MDH1B: variants seen among roughly 807,000 people sequenced by gnomAD.
MDH1B encodes putative malate dehydrogenase 1B.
In MDH1B, 60 loss-of-function variants were observed where a neutral mutation model predicts 61.4. That is an observed-to-expected ratio of 0.98 (90% CI 0.79 to 1.21). The LOEUF (loss-of-function observed/expected upper bound fraction) is 1.21, where lower values mean the gene tolerates loss of function less well. Among genes scored for constraint, MDH1B ranks in the 50% most tolerant of loss-of-function variants. The pLI is 0.00. For synonymous variants in MDH1B, 236 were observed against 218.7 expected, an observed-to-expected ratio of 1.08 and a Z score of -0.70; for missense variants, 587 against 632.1, an observed-to-expected ratio of 0.93 and a Z score of 0.76.
At chr2:206,743,913 T>C (rs1489845556) in intron 9 of MDH1B, among the ~76,000 whole-genome samples, 2 of 152,230 alleles carry the variant, frequency 1.3e-5, no homozygotes, top group African/African-American at 4.8e-5. Flanking sequence ...AAATTTCTAC[T>C]GCCTCTGGTC....
intron 6 of MDH1B, among the ~76,000 whole-genome samples, chr2:206,750,160 T>C (rs1385421897): frequency 6.6e-6 from 1 of 151,872 alleles, no homozygotes; most frequent in Non-Finnish European, 1.5e-5. Context: ...ATCCTACAAC[T>C]GGGAAAGTGC....
chr2:206,756,344 G>A (rs924008985), intron 4 of MDH1B, among the ~76,000 whole-genome samples: 14 of 152,186 alleles, frequency 9.2e-5, no homozygotes, highest in African/African-American at 2.9e-4. Flanking sequence ...CAGGAAAAGT[G>A]CAAAAGACAA....
intron 1 of MDH1B, 86 bp downstream of exon 1, chr2:206,765,164 T>C (rs1343081995): frequency 2.0e-6 from 3 of 1,528,756 alleles, no homozygotes; most frequent in East Asian, 4.8e-5. Flanking sequence ...GCGGTCCGTA[T>C]AGAGGCTGCC....
At chr2:206,738,580 G>T in intron 11 of MDH1B, 69 bp from the exon 12 acceptor site, 1 of 1,183,496 alleles carries the variant, frequency 8.4e-7, no homozygotes, top group Non-Finnish European at 1.2e-6. Context: ...GTTATTATTA[G>T]CTTTTTTGTT....
At chr2:206,754,924 C>T (rs1336842021) in intron 5 of MDH1B, 85 bp downstream of exon 5, 6 of 1,421,754 alleles carry the variant, frequency 4.2e-6, no homozygotes, top group South Asian at 2.7e-5. Context: ...CAGAATGTTC[C>T]TAGAGGGGAC....
At chr2:206,741,947 A>C (rs1687836117) in intron 9 of MDH1B, among the ~76,000 whole-genome samples, 3 of 152,196 alleles carry the variant, frequency 2.0e-5, no homozygotes, top group African/African-American at 7.2e-5. Context: ...AGTTATGCAA[A>C]ATAAATGAAT....
intron 2 of MDH1B, among the ~76,000 whole-genome samples, chr2:206,758,928 CCAGTGTGG>C (rs1169802118): frequency 6.6e-6 from 1 of 151,062 alleles, no homozygotes; most frequent in East Asian, 1.9e-4. Flanking sequence ...ACTGAGGAGC[CCAGTGTGG>C]CTGTCCGTTC....
chr2:206,750,376 T>A (rs1688360820), intron 6 of MDH1B, among the ~76,000 whole-genome samples: 2 of 142,904 alleles, frequency 1.4e-5, no homozygotes, highest in South Asian at 4.6e-4. Flanking sequence ...ACAGAGAGGC[T>A]GCTTAGCCTC....
At chr2:206,761,156 C>T in intron 1 of MDH1B, 143 bp from the exon 2 acceptor site, 1 of 479,440 alleles carries the variant, frequency 2.1e-6, no homozygotes, top group Non-Finnish European at 3.7e-6. Context: ...ACTGCTATTA[C>T]ATAAACTTCT....
rs13427620 is a variant in MDH1B at position 206,749,256 on chromosome 2, G to C, written c.1053-73C>G. On this transcript the variant is annotated intron_variant, in intron 6 of 11. Transcript: ENST00000374412. ...GAGAAAAAGGATGTTCCCTGGCTCA[G>C]TGGAACTAAGTATCAGAAACCTAAT... The C allele has an allele frequency of 1.5e-5, 20 of 1,335,380 alleles. No individual in the cohort carries two copies. In the African/African-American group the frequency reaches 2.1e-4, roughly 14 times the overall value. 82.7% of individuals were successfully genotyped at this position (1,335,380 alleles called of 1,614,324 possible).
chr2:206,760,311 C>T (rs1689014827), intron 2 of MDH1B, among the ~76,000 whole-genome samples: 2 of 152,194 alleles, frequency 1.3e-5, no homozygotes, highest in South Asian at 2.1e-4. Flanking sequence ...AGCTGATATC[C>T]GATGGCTGGT....
chr2:206,744,789 G>A (rs1431626187), intron 9 of MDH1B, among the ~76,000 whole-genome samples: 1 of 151,980 alleles, frequency 6.6e-6, no homozygotes, highest in African/African-American at 2.4e-5. Flanking sequence ...GCCAGGCATG[G>A]TGGTGTGCAC....
At chr2:206,765,183 C>T (rs1689369066) in intron 1 of MDH1B, 67 bp downstream of exon 1, 4 of 1,566,684 alleles carry the variant, frequency 2.6e-6, no homozygotes, top group African/African-American at 1.4e-5. Context: ...CCAAGCCGAG[C>T]GGCCATGGGA....
intron 5 of MDH1B, among the ~76,000 whole-genome samples, chr2:206,754,523 T>C (rs559571976): frequency 6.6e-6 from 1 of 152,312 alleles, no homozygotes; most frequent in East Asian, 1.9e-4. Flanking sequence ...CTTAGCACTT[T>C]AGGAATACAT....
rs1688282860 is a variant in MDH1B at position 206,749,031 on chromosome 2, A to G, written c.1205T>C (p.Ile402Thr). Residue 402 changes from isoleucine (I) to threonine (T), a missense_variant, in exon 7 of 12, where the codon ATA (isoleucine) becomes ACA (threonine). By Grantham distance (89) the Ile-to-Thr change is moderately conservative (BLOSUM62 -1). Coordinates refer to ENST00000374412, the MANE Select transcript of MDH1B (RefSeq NM_001039845.3). ...SPPGEIVSLG[I>T]LSEGQFGIPK... Reference sequence around the variant, plus strand: ...AAACCCAGATTTACCTTCACTCAATATTCCTAAAGATACAATCTCCCCAGG... The same window carrying G: ...AAACCCAGATTTACCTTCACTCAATGTTCCTAAAGATACAATCTCCCCAGG... The G allele has an allele frequency of 6.2e-7, 1 of 1,613,120 alleles. No individual in the cohort carries two copies. Among genetic ancestry groups the G allele is most frequent in the South Asian group, 1.1e-5 (1 of 90,736 alleles).
intron 7 of MDH1B, 151 bp from the exon 8 acceptor site, chr2:206,746,577 A>T: frequency 1.2e-6 from 1 of 834,162 alleles, no homozygotes; most frequent in African/African-American, 1.7e-5. Context: ...TCCAAAGAGG[A>T]CTGAAACACT....
intron 2 of MDH1B, among the ~76,000 whole-genome samples, chr2:206,759,100 C>A (rs1003379313): frequency 6.6e-6 from 1 of 151,810 alleles, no homozygotes; most frequent in Non-Finnish European, 1.5e-5. Flanking sequence ...GCCTAGTGCC[C>A]GTTAGTTATT....
intron 1 of MDH1B, 152 bp downstream of exon 1, chr2:206,765,098 G>GCAA: frequency 1.3e-5 from 12 of 908,324 alleles, no homozygotes; most frequent in African/African-American, 4.7e-5. Context: ...CACAATGCTT[G>GCAA]GCGCACCGTC....
intron 9 of MDH1B, 60 bp downstream of exon 9, chr2:206,745,562 A>G: frequency 8.0e-7 from 1 of 1,256,844 alleles, no homozygotes; most frequent in Non-Finnish European, 1.1e-6. Flanking sequence ...TTCAGTTATA[A>G]CAAATATTTT....
Sources: allele counts gnomAD v4.1 joint callset (sites outside exome capture counted in the v4.1 genomes callset), GRCh38; gene constraint gnomAD v4.1.1; transcripts MANE v1.5; gene names NCBI Gene and HGNC (gene_info 2026-07-23, HGNC 2026-07-21).